HCN1: variants seen among roughly 807,000 people sequenced by gnomAD.
The protein encoded by HCN1 is hyperpolarization activated cyclic nucleotide gated potassium channel 1.
A neutral mutation model predicts 78.9 loss-of-function variants in HCN1; 13 were observed. The ratio of observed to expected loss-of-function variants is 0.16; its 90% CI spans 0.11 to 0.26. The LOEUF is 0.26. Ranked by LOEUF, HCN1 falls within the 10% of genes least tolerant of loss-of-function variation. HCN1 has a pLI of 1.00. For synonymous variants in HCN1, 552 were observed against 455.5 expected (o/e 1.21, Z -2.70); for missense variants, 810 against 1,154.3 (o/e 0.70, Z 4.32).
intron 1 of HCN1, among the ~76,000 whole-genome samples, chr5:45,651,076 T>C (rs531228848): frequency 2.9e-4 from 44 of 152,182 alleles, no homozygotes; most frequent in African/African-American, 1.0e-3. Flanking sequence ...ATATTTGTCA[T>C]TGAGCAGAAT....
chr5:45,537,501 C>T (rs1261169197), intron 2 of HCN1, among the ~76,000 whole-genome samples: 1 of 77,390 alleles, frequency 1.3e-5, no homozygotes, highest in Admixed American at 1.4e-4. Context: ...GTTTGTTTCA[C>T]TAATTTAAAG....
intron 2 of HCN1, among the ~76,000 whole-genome samples, chr5:45,609,874 C>T (rs1285123855): frequency 6.6e-6 from 1 of 152,092 alleles, no homozygotes; most frequent in Non-Finnish European, 1.5e-5. Context: ...GTGTGACCAA[C>T]CTGATGAAAT....
intron 2 of HCN1, among the ~76,000 whole-genome samples, chr5:45,572,985 CAT>C (rs1330558253): frequency 1.3e-5 from 2 of 152,102 alleles, no homozygotes; most frequent in African/African-American, 4.8e-5. Context: ...TCTATTGAAA[CAT>C]AACATTTGAG....
chr5:45,678,581 C>T (rs564908908), intron 1 of HCN1, among the ~76,000 whole-genome samples: 28 of 152,002 alleles, frequency 1.8e-4, no homozygotes, highest in African/African-American at 3.9e-4. Context: ...ATGACTTCAT[C>T]GTGAGTACAG....
chr5:45,547,420 G>A (rs199905533), intron 2 of HCN1, among the ~76,000 whole-genome samples: 8 of 151,832 alleles, frequency 5.3e-5, no homozygotes, highest in Admixed American at 5.3e-4. Context: ...AAATACTAGC[G>A]GAGAGAGTAT....
Position 45,615,262 on chromosome 5 carries a change from T to C in HCN1, c.849+29923A>G, listed in dbSNP as rs566055095. Among the ~76,000 whole-genome samples the C allele has an allele frequency of 2.0e-5, 3 of 152,118 alleles. No homozygotes were observed. In the East Asian group the frequency reaches 5.8e-4, roughly 29 times the overall value. Reference sequence around the variant, plus strand: ...CCTGATAATTCTAGGCATCTCAATATAGTGAATCATGATCTTTTGGGAATA... The same window carrying C: ...CCTGATAATTCTAGGCATCTCAATACAGTGAATCATGATCTTTTGGGAATA... On this transcript the variant is annotated intron_variant, in intron 2 of 7. Coordinates refer to ENST00000303230, the MANE Select transcript of HCN1 (RefSeq NM_021072.4).
intron 3 of HCN1, among the ~76,000 whole-genome samples, chr5:45,438,116 G>GT (rs1178902145): frequency 6.6e-6 from 1 of 152,182 alleles, no homozygotes; most frequent in Non-Finnish European, 1.5e-5. Flanking sequence ...TTGGCACTAT[G>GT]TAAGAGGGAA....
In HCN1 at chr5:45,530,542, A is replaced by G. The variant is rs139110424; in HGVS notation, c.850-68535T>C. Among the ~76,000 whole-genome samples the G allele has an allele frequency of 3.1e-4, 47 of 152,002 alleles. 1 individual carries two copies. In the East Asian group the frequency reaches 7.0e-3, roughly 23 times the overall value. ...AGGCACTTTATGATGTTTCATAGTTACAGAATCCTAATATGAATTCTAAGA... is the reference window on the plus strand; with the variant it reads ...AGGCACTTTATGATGTTTCATAGTTGCAGAATCCTAATATGAATTCTAAGA... On this transcript the variant is annotated intron_variant, in intron 2 of 7. Transcript: ENST00000303230.
chr5:45,569,499 C>G (rs977781199), intron 2 of HCN1, among the ~76,000 whole-genome samples: 6 of 151,960 alleles, frequency 3.9e-5, no homozygotes, highest in African/African-American at 7.2e-5. Context: ...TGAGTTTACT[C>G]TTTGGAACTT....
chr5:45,291,282 A>C (rs1405284461), intron 6 of HCN1, among the ~76,000 whole-genome samples: 2 of 152,040 alleles, frequency 1.3e-5, no homozygotes, highest in African/African-American at 4.8e-5. Context: ...TCCCACATGA[A>C]GAGTTCTTGG....
At chr5:45,534,404 C>CAAAAAAAAAAAAAAAAAAAA (rs71000637) in intron 2 of HCN1, among the ~76,000 whole-genome samples, 2 of 29,316 alleles carry the variant, frequency 6.8e-5, no homozygotes, top group Non-Finnish European at 1.1e-4. Context: ...GACTGCATCT[C>CAAAAAAAAAAAAAAAAAAAA]AAAAAAAAAA....
chr5:45,292,002 T>C (rs1472984714), intron 6 of HCN1, among the ~76,000 whole-genome samples: 1 of 152,070 alleles, frequency 6.6e-6, no homozygotes, highest in Non-Finnish European at 1.5e-5. Flanking sequence ...TTTTATTTTA[T>C]TCACTATTGC....
intron 4 of HCN1, among the ~76,000 whole-genome samples, chr5:45,392,302 T>C (rs534212865): frequency 1.3e-5 from 2 of 152,162 alleles, no homozygotes; most frequent in Non-Finnish European, 2.9e-5. Context: ...TATGTGGCAG[T>C]TCTGATTATG....
intron 6 of HCN1, among the ~76,000 whole-genome samples, chr5:45,292,827 A>G (rs1015284403): frequency 1.3e-5 from 2 of 151,910 alleles, no homozygotes; most frequent in Non-Finnish European, 2.9e-5. Context: ...CTACCCATCT[A>G]CTCATTCTTT....
At chr5:45,413,930 AAAATT>A (rs1740070062) in intron 3 of HCN1, among the ~76,000 whole-genome samples, 2 of 152,050 alleles carry the variant, frequency 1.3e-5, no homozygotes, top group Admixed American at 1.3e-4. Context: ...GTACAATACA[AAAATT>A]AAAGGCAATC....
intron 4 of HCN1, among the ~76,000 whole-genome samples, chr5:45,370,216 C>T (rs930456236): frequency 2.6e-5 from 4 of 151,700 alleles, no homozygotes; most frequent in African/African-American, 9.7e-5. Flanking sequence ...ACTACAATTA[C>T]CAAATTTGAT....
chr5:45,282,021 T>C (rs1013589169), intron 6 of HCN1, among the ~76,000 whole-genome samples: 10 of 152,170 alleles, frequency 6.6e-5, no homozygotes, highest in Admixed American at 5.2e-4. Flanking sequence ...CAAAAGCACA[T>C]AGATTATTTA....
At chr5:45,367,159 G>T (rs1747254209) in intron 4 of HCN1, among the ~76,000 whole-genome samples, 1 of 151,724 alleles carries the variant, frequency 6.6e-6, no homozygotes, top group South Asian at 2.1e-4. Flanking sequence ...AAAAATCATA[G>T]TCCTTGAGTC....
intron 5 of HCN1, among the ~76,000 whole-genome samples, chr5:45,315,230 C>T (rs563763494): frequency 1.2e-3 from 177 of 152,308 alleles, no homozygotes; most frequent in African/African-American, 4.2e-3. Flanking sequence ...GACCACAGTG[C>T]AATCAAACTA....
Sources: gnomAD v4.1 joint callset for allele counts (sites outside exome capture counted in the v4.1 genomes callset) on GRCh38, gnomAD v4.1.1 for gene constraint, MANE v1.5 for transcripts, NCBI Gene and HGNC (gene_info 2026-07-23, HGNC 2026-07-21) for gene names.